SCAP: variants seen among roughly 807,000 people sequenced by gnomAD.
SCAP encodes sterol regulatory element-binding protein cleavage-activating protein.
A neutral mutation model predicts 123.6 loss-of-function variants in SCAP; 65 were observed. The ratio of observed to expected loss-of-function variants is 0.53; its 90% CI spans 0.43 to 0.65. The LOEUF is 0.65. SCAP is among the 30% of genes least tolerant of loss of function. SCAP has a pLI of 0.00. For missense variants in SCAP, 1,398 were observed against 1,712.5 expected, an observed-to-expected ratio of 0.82 and a Z score of 3.24; for synonymous variants, 740 against 726.3, an observed-to-expected ratio of 1.02 and a Z score of -0.30.
Position 47,475,916 on chromosome 3 carries a change from C to T in SCAP, c.-216G>A, listed in dbSNP as rs1370860194. On this transcript the variant is annotated 5_prime_UTR_variant, in exon 1 of 23. Transcript: ENST00000265565. ...CGCAGTCCGGTGCGTGGCGCCCTCC[C>T]TCTCTCTCCTGGCCGCCGGGTGCCC... The T allele has an allele frequency of 8.5e-5, 13 of 153,346 alleles. No homozygotes were observed. The highest frequency in any genetic ancestry group is 6.6e-4 in the Admixed American group (10 of 15,202). The allele number at this position is 153,346 out of a possible 1,614,324, so 9.5% of individuals were successfully genotyped here.
chr3:47,443,850 C>T (rs1247305876), intron 1 of SCAP, among the ~76,000 whole-genome samples: 4 of 152,100 alleles, frequency 2.6e-5, no homozygotes, highest in African/African-American at 9.7e-5. Context: ...TCAAGGTGCC[C>T]CGTGCCGACC....
chr3:47,430,330 G>T (rs1479528781), intron 3 of SCAP, among the ~76,000 whole-genome samples: 2 of 152,164 alleles, frequency 1.3e-5, no homozygotes, highest in Admixed American at 1.3e-4. Context: ...GAGCTTAACA[G>T]GGATGTAAAT....
intron 1 of SCAP, among the ~76,000 whole-genome samples, chr3:47,465,887 C>A (rs1707807030): frequency 1.3e-5 from 2 of 151,084 alleles, no homozygotes; most frequent in South Asian, 4.2e-4. Context: ...GTAATCCCAC[C>A]ACTTTGGGAG....
In SCAP at chr3:47,419,084, CA is replaced by C. The variant is rs1705777680; in HGVS notation, c.1941-242del. 1.3e-5 allele frequency among the ~76,000 whole-genome samples: 2 copies of C among 152,210 alleles called. No homozygotes were observed. Among genetic ancestry groups the C allele is most frequent in the South Asian group, 2.1e-4 (1 of 4,836 alleles). On this transcript the variant is annotated intron_variant, in intron 13 of 22. Coordinates refer to ENST00000265565, the MANE Select transcript of SCAP (RefSeq NM_012235.4). This position sits in a 1 kb window ranked among gnomAD's most constrained non-coding sequence, Gnocchi z 5.0. ...TGGCCGTGTGGGGTATCTCCCTCCC[CA>C]CTCCTGGCACAGGTGGGTGGGTCTC...
chr3:47,441,568 T>C (rs1462227706), intron 2 of SCAP, among the ~76,000 whole-genome samples: 1 of 152,166 alleles, frequency 6.6e-6, no homozygotes, highest in Admixed American at 6.5e-5. Flanking sequence ...TCATCACTTA[T>C]GGGACACAGC....
At chr3:47,457,289 T>C (rs1308026874) in intron 1 of SCAP, among the ~76,000 whole-genome samples, 3 of 152,148 alleles carry the variant, frequency 2.0e-5, no homozygotes, top group Admixed American at 1.3e-4. Context: ...TATTTCTACA[T>C]TGAAAAGCTG....
Position 47,421,012 on chromosome 3 carries a change from A to G in SCAP, c.1263T>C (p.Ala421=), listed in dbSNP as rs2107790443. The G allele has an allele frequency of 6.2e-7, 1 of 1,613,914 alleles. No individual in the cohort carries two copies. Among genetic ancestry groups the G allele is most frequent in the Non-Finnish European group, 8.5e-7 (1 of 1,179,952 alleles). ...VPAIQEFCLF[A]VVGLVSDFFL... The stretch of plus-strand genomic sequence containing the variant: ...AGAAGTCAGACACCAGCCCCACGAC[A>G]GCAAAGAGACAGAACTCCTGGAATC... The change falls in exon 11 of 23, where the codon GCT becomes GCC. Residue 421 remains alanine (A), a synonymous_variant. Coordinates refer to ENST00000265565, the MANE Select transcript of SCAP (RefSeq NM_012235.4).
At chr3:47,466,279 T>C (rs1462404853) in intron 1 of SCAP, among the ~76,000 whole-genome samples, 1 of 151,558 alleles carries the variant, frequency 6.6e-6, no homozygotes, top group Non-Finnish European at 1.5e-5. Flanking sequence ...AAACTTACTA[T>C]AAAGCTACAG....
intron 4 of SCAP, among the ~76,000 whole-genome samples, chr3:47,427,924 G>A (rs1706207444): frequency 1.3e-5 from 2 of 152,174 alleles, no homozygotes; most frequent in South Asian, 4.1e-4. Context: ...TGTACTATAA[G>A]AGCATGCACA....
intron 8 of SCAP, among the ~76,000 whole-genome samples, chr3:47,424,302 G>A (rs1559545499): frequency 6.6e-6 from 1 of 152,234 alleles, no homozygotes; most frequent in African/African-American, 2.4e-5. Flanking sequence ...GCACAGGAGG[G>A]CTGGAAGAGG....
At position 47,420,425 on chromosome 3, in the gene SCAP, C is replaced by G; in HGVS notation, c.1563+129G>C. 1 of 825,010 alleles carries G rather than the reference C, an allele frequency of 1.2e-6. No homozygotes were observed. 51.1% of individuals were successfully genotyped at this position (825,010 alleles called of 1,614,324 possible). A position where few individuals can be genotyped will look rare whatever the true frequency, so the allele number is the denominator to read the frequency against. On this transcript the variant is annotated intron_variant, in intron 12 of 22. Transcript: ENST00000265565. The surrounding 1 kb of genome is among the most constrained non-coding windows in gnomAD (Gnocchi z 5.0). ...GGACACAACGGGCAACTCCCCAGAG[C>G]CAGGCTTCCAGGGGCCACCAGGGCC... is the stretch of plus-strand genomic sequence containing the variant.
chr3:47,476,538 T>C (rs1415121370), upstream of SCAP, among the ~76,000 whole-genome samples: 1 of 152,230 alleles, frequency 6.6e-6, no homozygotes, highest in Non-Finnish European at 1.5e-5. Context: ...TCCATAAAAC[T>C]AGTTTCCCTA....
chr3:47,441,874 CTTTTTTTTTTTTTT>C (rs1160447716), intron 2 of SCAP, among the ~76,000 whole-genome samples: 4 of 76,410 alleles, frequency 5.2e-5, no homozygotes, highest in Middle Eastern at 9.6e-3. Context: ...GTTCATCTTT[CTTTTTTTTTTTTTT>C]TTTTTTTTTT....
chr3:47,425,960 T>G (rs1294531037), intron 7 of SCAP, 37 bp downstream of exon 7: 4 of 1,612,040 alleles, frequency 2.5e-6, no homozygotes, highest in Admixed American at 1.7e-5. Context: ...CCCGTTTAGC[T>G]TGGAGAAAGC....
At chr3:47,416,088 G>C (rs900049447) in intron 18 of SCAP, among the ~76,000 whole-genome samples, 2 of 152,218 alleles carry the variant, frequency 1.3e-5, no homozygotes, top group African/African-American at 4.8e-5. Context: ...ACATCACTAA[G>C]GGCAAGGGAC....
chr3:47,432,364 A>C (rs1237064409), intron 3 of SCAP, among the ~76,000 whole-genome samples: 1 of 151,822 alleles, frequency 6.6e-6, no homozygotes, highest in Admixed American at 6.6e-5. Context: ...AAAGAAAAAA[A>C]AATTGCTCTA....
At chr3:47,431,561 C>A (rs1706359355) in intron 3 of SCAP, among the ~76,000 whole-genome samples, 1 of 152,072 alleles carries the variant, frequency 6.6e-6, no homozygotes, top group Admixed American at 6.5e-5. Flanking sequence ...TTTTGATGAT[C>A]TTGGCAGCTT....
chr3:47,476,011 G>A (rs558772164), upstream of SCAP: 87 of 152,316 alleles, frequency 5.7e-4, no homozygotes, highest in Non-Finnish European at 9.8e-4. Context: ...GCCCAGCGGC[G>A]TGCGCATGCG....
intron 1 of SCAP, among the ~76,000 whole-genome samples, chr3:47,467,335 T>C (rs1001467307): frequency 6.6e-6 from 1 of 151,762 alleles, no homozygotes; most frequent in Non-Finnish European, 1.5e-5. Context: ...CTCGGTGGGG[T>C]GGCTCATGCC....
Sources: gnomAD v4.1 joint callset for allele counts (sites outside exome capture counted in the v4.1 genomes callset) on GRCh38, gnomAD v4.1.1 for gene constraint, Gnocchi (gnomAD v3.1) non-coding constraint, MANE v1.5 for transcripts, NCBI Gene and HGNC (gene_info 2026-07-23, HGNC 2026-07-21) for gene names.